The following PCMT1 variants were observed in gnomAD, a reference collection of about 807,000 sequenced individuals.
PCMT1 encodes the protein protein-L-isoaspartate(D-aspartate) O-methyltransferase.
A neutral mutation model predicts 29.2 loss-of-function variants in PCMT1; 9 were observed. The observed-to-expected ratio is 0.31, with a 90% confidence interval of 0.19 to 0.54. PCMT1 has a LOEUF of 0.54. PCMT1 is among the 20% of genes least tolerant of loss of function. PCMT1 has a pLI of 0.95. For missense variants in PCMT1, 184 were observed against 282.2 expected (o/e 0.65, Z 2.49); for synonymous variants, 98 against 97.5 (o/e 1.00, Z -0.03).
In PCMT1 at chr6:149,789,986, G is replaced by A. The variant is rs1788288860; in HGVS notation, c.225G>A (p.Gln75=). 1 of 1,610,164 alleles carries A rather than the reference G, an allele frequency of 6.2e-7. No homozygotes were observed. The change falls in exon 4 of 8, where the codon CAG becomes CAA. Residue 75 remains glutamine, a synonymous_variant. Coordinates refer to ENST00000464889, the MANE Select transcript of PCMT1 (RefSeq NM_001360452.2). ...HAYALELLFD[Q]LHEGAKALDV... is the part of the protein sequence containing the mutation. ...ATGCGCTAGAACTTCTATTTGATCA[G>A]TTGCATGAAGGAGCTAAAGCTCTTG...
chr6:149,779,320 A>G (rs2115274762), intron 3 of PCMT1, among the ~76,000 whole-genome samples: 2 of 152,308 alleles, frequency 1.3e-5, no homozygotes, highest in South Asian at 4.1e-4. Flanking sequence ...CCCTTCCTGC[A>G]GCACGTAACT....
chr6:149,795,229 C>T (rs191595154), intron 5 of PCMT1: 166 of 385,940 alleles, frequency 4.3e-4, no homozygotes, highest in African/African-American at 3.1e-3. Flanking sequence ...TTCTCCAACA[C>T]GACAGCGCCA....
chr6:149,786,566 T>C (rs866905266), intron 3 of PCMT1, among the ~76,000 whole-genome samples: 3 of 40,948 alleles, frequency 7.3e-5, no homozygotes, highest in Non-Finnish European at 1.0e-4. Context: ...GACGGGGCGG[T>C]TGCCAGGCAG....
chr6:149,799,199 A>G (rs921931846), intron 6 of PCMT1: 1 of 152,208 alleles, frequency 6.6e-6, no homozygotes, highest in African/African-American at 2.4e-5. Flanking sequence ...CTGTAGTCCC[A>G]GCTACATGGG....
intron 3 of PCMT1, among the ~76,000 whole-genome samples, chr6:149,786,689 G>A (rs1477785260): frequency 1.3e-5 from 2 of 151,678 alleles, no homozygotes; most frequent in African/African-American, 4.8e-5. Flanking sequence ...GTCGCGGCCG[G>A]GCAGAGGCGC....
At chr6:149,767,940 C>T (rs772147589) in intron 1 of PCMT1, among the ~76,000 whole-genome samples, 2 of 151,628 alleles carry the variant, frequency 1.3e-5, no homozygotes, top group Non-Finnish European at 2.9e-5. Flanking sequence ...ATTACAGGTG[C>T]GCACCACCAC....
intron 4 of PCMT1, 55 bp downstream of exon 4, chr6:149,790,113 C>A: frequency 9.3e-7 from 1 of 1,077,932 alleles, no homozygotes; most frequent in Non-Finnish European, 1.4e-6. Flanking sequence ...TATGATTTGG[C>A]TGTATGTTTT....
Position 149,771,302 on chromosome 6 carries a change from A to C in PCMT1, c.160+36A>C, listed in dbSNP as rs752210816. ...GATTTCTGAAAATATCATAGTTTTC[A>C]TCATTTACTTTATGATTTTTGGAAG... On this transcript the variant is annotated intron_variant, in intron 2 of 7. Coordinates refer to ENST00000464889, the MANE Select transcript of PCMT1 (RefSeq NM_001360452.2). 3 of 1,251,740 alleles carry C rather than the reference A, an allele frequency of 2.4e-6. No individual in the cohort carries two copies. The East Asian group carries it at 7.0e-5, about 29-fold the overall frequency. 77.5% of individuals were successfully genotyped at this position (1,251,740 alleles called of 1,614,324 possible).
chr6:149,751,939 C>G (rs1406409524), intron 1 of PCMT1, among the ~76,000 whole-genome samples: 1 of 151,250 alleles, frequency 6.6e-6, no homozygotes, highest in Non-Finnish European at 1.5e-5. Flanking sequence ...GTGGTGTGAG[C>G]TCGGCTCACT....
intron 7 of PCMT1, among the ~76,000 whole-genome samples, chr6:149,807,516 A>C (rs573684331): frequency 7.7e-4 from 117 of 152,114 alleles, no homozygotes; most frequent in Admixed American, 1.1e-3. Flanking sequence ...GACTACAGGC[A>C]CGCACCACGA....
intron 3 of PCMT1, among the ~76,000 whole-genome samples, chr6:149,783,383 A>G (rs1205235870): frequency 6.6e-6 from 1 of 152,144 alleles, no homozygotes; most frequent in Non-Finnish European, 1.5e-5. Context: ...TGCCCACCTC[A>G]GCCTCCCAAA....
In PCMT1 at chr6:149,749,749, G is replaced by T. The variant is rs542294016; in HGVS notation, c.-153G>T. On this transcript the variant is annotated 5_prime_UTR_variant, in exon 1 of 8. Transcript: ENST00000464889. Reference sequence around the variant, plus strand: ...GGGGATGCCGGGAGCGCGCAGTGGCGGCAGCGGCGGCGACGGCAGTAACAG... The same window carrying T: ...GGGGATGCCGGGAGCGCGCAGTGGCTGCAGCGGCGGCGACGGCAGTAACAG... 8 of 1,545,386 alleles carry T rather than the reference G, an allele frequency of 5.2e-6. No individual in the cohort carries two copies. The highest frequency in any genetic ancestry group is 2.5e-5 in the East Asian group (1 of 40,786).
intron 3 of PCMT1, among the ~76,000 whole-genome samples, chr6:149,779,173 C>T (rs1312014618): frequency 1.3e-5 from 2 of 152,038 alleles, no homozygotes; most frequent in Non-Finnish European, 2.9e-5. Flanking sequence ...GTTCTTGCTT[C>T]CCTCCCTAGC....
chr6:149,766,753 A>G (rs1454417220), intron 1 of PCMT1, among the ~76,000 whole-genome samples: 1 of 152,146 alleles, frequency 6.6e-6, no homozygotes, highest in Admixed American at 6.6e-5. Flanking sequence ...TTTCACCCAA[A>G]AAGTTTTCTG....
At chr6:149,758,561 G>A (rs1039169691) in intron 1 of PCMT1, among the ~76,000 whole-genome samples, 1 of 151,738 alleles carries the variant, frequency 6.6e-6, no homozygotes, top group African/African-American at 2.4e-5. Context: ...AATTACTTGT[G>A]GAGTGTATGT....
At chr6:149,786,178 C>A (rs1349225991) in intron 3 of PCMT1, among the ~76,000 whole-genome samples, 1 of 112,880 alleles carries the variant, frequency 8.9e-6, no homozygotes, top group Admixed American at 8.9e-5. Flanking sequence ...CCCCCAACCT[C>A]CCTCCCAGAC....
At chr6:149,809,593 A>G (rs918062413) in intron 7 of PCMT1, among the ~76,000 whole-genome samples, 12 of 152,172 alleles carry the variant, frequency 7.9e-5, no homozygotes, top group African/African-American at 2.9e-4. Context: ...AAAATTGTCC[A>G]GTAATTTACC....
chr6:149,778,561 A>G (rs1787675242), intron 3 of PCMT1, among the ~76,000 whole-genome samples: 1 of 151,058 alleles, frequency 6.6e-6, no homozygotes, highest in Admixed American at 6.6e-5. Context: ...TTTTTAAGAC[A>G]GGGTGTTGCT....
intron 1 of PCMT1, among the ~76,000 whole-genome samples, chr6:149,762,942 T>TCTATG (rs1202762571): frequency 2.1e-5 from 1 of 47,780 alleles, no homozygotes; most frequent in Non-Finnish European, 3.0e-5. Flanking sequence ...ATATGATATA[T>TCTATG]ATATCTATGA....
Sources: allele counts gnomAD v4.1 joint callset (sites outside exome capture counted in the v4.1 genomes callset), GRCh38; gene constraint gnomAD v4.1.1; transcripts MANE v1.5; gene names NCBI Gene and HGNC (gene_info 2026-07-23, HGNC 2026-07-21).